The following ASTN2 variants were observed in gnomAD, a reference collection of about 807,000 sequenced individuals.
ASTN2 encodes the protein astrotactin-2.
A neutral mutation model predicts 139.8 loss-of-function variants in ASTN2; 54 were observed. The observed-to-expected ratio is 0.39, with a 90% CI of 0.31 to 0.48. The LOEUF (loss-of-function observed/expected upper bound fraction) is 0.48. Ranked by LOEUF, ASTN2 falls within the 20% of genes least tolerant of loss-of-function variation. ASTN2 has a pLI of 0.95. For missense variants in ASTN2, 1,565 were observed against 1,725.1 expected, an observed-to-expected ratio of 0.91 and a Z score of 1.64; for synonymous variants, 756 against 719.5, an observed-to-expected ratio of 1.05 and a Z score of -0.81.
intron 2 of ASTN2, among the ~76,000 whole-genome samples, chr9:117,249,233 G>T (rs921716892): frequency 3.3e-5 from 5 of 152,116 alleles, no homozygotes; most frequent in African/African-American, 1.2e-4. Flanking sequence ...TAATGGAAAA[G>T]AAGGAAAAGA....
chr9:116,614,150 G>A (rs1855709427), intron 19 of ASTN2, among the ~76,000 whole-genome samples: 1 of 152,082 alleles, frequency 6.6e-6, no homozygotes, highest in Admixed American at 6.5e-5. Flanking sequence ...AAATACCTAG[G>A]AATCCAACTT....
intron 11 of ASTN2, among the ~76,000 whole-genome samples, chr9:116,847,468 C>G (rs1832475073): frequency 6.6e-6 from 1 of 152,134 alleles, no homozygotes; most frequent in South Asian, 2.1e-4. Flanking sequence ...GAACACTTTC[C>G]TAGGAAAATC....
intron 19 of ASTN2, among the ~76,000 whole-genome samples, chr9:116,567,786 G>T (rs1588016665): frequency 6.6e-6 from 1 of 152,138 alleles, no homozygotes; most frequent in East Asian, 1.9e-4. Flanking sequence ...ATAACTGCTA[G>T]TTATTGAAAC....
intron 3 of ASTN2, among the ~76,000 whole-genome samples, chr9:117,188,049 A>G (rs1016547673): frequency 7.2e-5 from 11 of 152,086 alleles, no homozygotes; most frequent in South Asian, 2.1e-4. Flanking sequence ...GGTCCTGTGC[A>G]TTGTAGAATG....
intron 22 of ASTN2, among the ~76,000 whole-genome samples, chr9:116,430,854 CA>C (rs1356407826): frequency 6.6e-6 from 1 of 152,112 alleles, no homozygotes; most frequent in African/African-American, 2.4e-5. Flanking sequence ...AGACCAAAGG[CA>C]AAAATGCTGG....
rs750725909 is a variant in ASTN2, at chr9:117,141,459, C to T, written c.1035G>A (p.Gln345=). ...FEKKAAAEAT[Q]ETVESLMQKF... is the part of the protein sequence containing the mutation. The stretch of plus-strand genomic sequence containing the variant: ...TCTGCATCAGGGACTCCACTGTCTC[C>T]TGAGTCGCCTCAGCTGCTGCTATAA... The change falls in exon 4 of 23, where the codon CAG becomes CAA. Residue 345 remains glutamine (Q), a synonymous_variant. Coordinates refer to ENST00000313400, the MANE Select transcript of ASTN2 (RefSeq NM_001365068.1). 2 of 1,367,274 alleles carry T rather than the reference C, an allele frequency of 1.5e-6. No individual in the cohort carries two copies. Among genetic ancestry groups the T allele is most frequent in the South Asian group, 1.1e-5 (1 of 88,038 alleles). The allele number at this position is 1,367,274 out of a possible 1,614,324, so 84.7% of individuals were successfully genotyped here.
At chr9:116,426,898 G>C (rs1201741852) in intron 22 of ASTN2, among the ~76,000 whole-genome samples, 1 of 152,138 alleles carries the variant, frequency 6.6e-6, no homozygotes, top group Non-Finnish European at 1.5e-5. Flanking sequence ...TCCAATAAAT[G>C]ATAGCTACTC....
At chr9:116,435,773 G>C (rs1847631413) in intron 22 of ASTN2, among the ~76,000 whole-genome samples, 1 of 152,164 alleles carries the variant, frequency 6.6e-6, no homozygotes, top group African/African-American at 2.4e-5. Flanking sequence ...CTGGAACCTT[G>C]TCACTCCAAG....
At chr9:116,573,768 C>T (rs1487664748) in intron 19 of ASTN2, among the ~76,000 whole-genome samples, 2 of 152,192 alleles carry the variant, frequency 1.3e-5, no homozygotes, top group East Asian at 1.9e-4. Flanking sequence ...TGGTTTGTCC[C>T]AAGTTATGGC....
intron 10 of ASTN2, among the ~76,000 whole-genome samples, chr9:116,895,427 C>T (rs1833858107): frequency 6.6e-6 from 1 of 152,120 alleles, no homozygotes; most frequent in African/African-American, 2.4e-5. Context: ...TTAGTAAGCA[C>T]CAGGGGTCAA....
At chr9:116,892,774 C>T (rs538047307) in intron 10 of ASTN2, among the ~76,000 whole-genome samples, 1 of 152,228 alleles carries the variant, frequency 6.6e-6, no homozygotes, top group East Asian at 1.9e-4. Flanking sequence ...CAAATGTCAC[C>T]TGCTCAGTGT....
intron 1 of ASTN2, among the ~76,000 whole-genome samples, chr9:117,353,390 G>C (rs1829445506): frequency 6.6e-6 from 1 of 152,154 alleles, no homozygotes. Flanking sequence ...TAGCCACACA[G>C]GGCTACTGAG....
At chr9:116,606,660 T>C (rs1564148741) in intron 19 of ASTN2, among the ~76,000 whole-genome samples, 1 of 152,218 alleles carries the variant, frequency 6.6e-6, no homozygotes, top group Non-Finnish European at 1.5e-5. Flanking sequence ...TATTTTGTTT[T>C]CTTCCTAACA....
At chr9:116,669,838 C>T (rs1859084859) in intron 16 of ASTN2, among the ~76,000 whole-genome samples, 1 of 147,314 alleles carries the variant, frequency 6.8e-6, no homozygotes, top group South Asian at 2.1e-4. Context: ...CAGAGTCTTG[C>T]TCTGTCACCC....
At position 116,559,872 on chromosome 9, in the gene ASTN2, C is replaced by A. The variant is rs538216701; in HGVS notation, c.3355+58452G>T. Among the ~76,000 whole-genome samples, 10 of 152,220 alleles carry A rather than the reference C, an allele frequency of 6.6e-5. No homozygotes were observed. The East Asian group carries it at 1.9e-3, about 29-fold the overall frequency. On this transcript the variant is annotated intron_variant, in intron 19 of 22. Transcript: ENST00000313400. ...TTATTCCTTGAACTATTAATATGAG[C>A]CAGGAGCATTTTCTTCTTCCTCTTT...
chr9:117,368,074 A>G (rs562484066), intron 1 of ASTN2, among the ~76,000 whole-genome samples: 1 of 152,222 alleles, frequency 6.6e-6, no homozygotes, highest in African/African-American at 2.4e-5. Context: ...ATAGAAGATG[A>G]TGTTCTGGAA....
chr9:116,688,548 G>A (rs1860392922), intron 16 of ASTN2, among the ~76,000 whole-genome samples: 1 of 152,158 alleles, frequency 6.6e-6, no homozygotes, highest in African/African-American at 2.4e-5. Context: ...TAATCCCTGT[G>A]AAGGGCAGAA....
At chr9:117,149,221 T>A (rs1404520131) in intron 3 of ASTN2, among the ~76,000 whole-genome samples, 4 of 152,006 alleles carry the variant, frequency 2.6e-5, no homozygotes, top group Non-Finnish European at 4.4e-5. Context: ...GGTTTCACCA[T>A]GTTGGCCGGG....
chr9:116,848,880 C>G (rs2132318816), intron 11 of ASTN2, among the ~76,000 whole-genome samples: 1 of 152,318 alleles, frequency 6.6e-6, no homozygotes, highest in Admixed American at 6.5e-5. Context: ...GTTGAGTACT[C>G]AGTCCCATAA....
Sources: allele counts gnomAD v4.1 joint callset (sites outside exome capture counted in the v4.1 genomes callset), GRCh38; gene constraint gnomAD v4.1.1; transcripts MANE v1.5; gene names NCBI Gene and HGNC (gene_info 2026-07-23, HGNC 2026-07-21).